DYSF: variants seen among roughly 807,000 people sequenced by gnomAD.
DYSF encodes dystrophy-associated fer-1-like 1.
In DYSF, 212 loss-of-function variants were observed where a neutral mutation model predicts 274.9. That is an observed-to-expected ratio of 0.77 (90% CI 0.69 to 0.86). DYSF has a LOEUF of 0.86. Among genes scored for constraint, DYSF ranks in the 40% least tolerant of loss-of-function variants. DYSF has a pLI of 0.00. For missense variants in DYSF, 2,666 were observed against 2,783.2 expected (o/e 0.96, Z 0.95); for synonymous variants, 1,091 against 1,078.7 (o/e 1.01, Z -0.22).
intron 41 of DYSF, among the ~76,000 whole-genome samples, chr2:71,631,584 G>A (rs527747249): frequency 8.5e-5 from 13 of 152,152 alleles, no homozygotes; most frequent in Non-Finnish European, 1.5e-4. Flanking sequence ...AATACAAATC[G>A]CCCATCAAAT....
intron 42 of DYSF, among the ~76,000 whole-genome samples, chr2:71,653,317 C>A (rs1038219840): frequency 2.0e-5 from 3 of 152,044 alleles, no homozygotes; most frequent in Non-Finnish European, 4.4e-5. Context: ...TGGGTATATA[C>A]CCAAAGGATT....
At chr2:71,538,723 A>G (rs2089631509) in intron 16 of DYSF, among the ~76,000 whole-genome samples, 2 of 152,142 alleles carry the variant, frequency 1.3e-5, no homozygotes, top group Non-Finnish European at 2.9e-5. Context: ...CTTCCTGGTC[A>G]CCTAGTTTTC....
At chr2:71,576,640 C>T (rs539800210) in intron 30 of DYSF, among the ~76,000 whole-genome samples, 9 of 152,322 alleles carry the variant, frequency 5.9e-5, no homozygotes, top group African/African-American at 1.9e-4. Context: ...GTGAGGGAGA[C>T]AGAGCTGACG....
At chr2:71,542,146 C>T (rs1015491459) in intron 17 of DYSF, among the ~76,000 whole-genome samples, 1 of 152,158 alleles carries the variant, frequency 6.6e-6, no homozygotes, top group African/African-American at 2.4e-5. Flanking sequence ...AAATGGGGCT[C>T]TTACAAGTCC....
chr2:71,598,827 C>G (rs2093470634), intron 33 of DYSF, 82 bp downstream of exon 33: 3 of 1,534,480 alleles, frequency 2.0e-6, no homozygotes, highest in Non-Finnish European at 2.7e-6. Context: ...CTCGTGGCTG[C>G]CCAGCCAGAT....
intron 30 of DYSF, among the ~76,000 whole-genome samples, chr2:71,584,461 TGTAA>T (rs772108577): frequency 3.3e-5 from 5 of 151,820 alleles, no homozygotes; most frequent in Admixed American, 6.6e-5. Flanking sequence ...CATCCTGGGG[TGTAA>T]GTGAGTCCAC....
At chr2:71,577,901 C>T (rs900706851) in intron 30 of DYSF, among the ~76,000 whole-genome samples, 3 of 152,136 alleles carry the variant, frequency 2.0e-5, no homozygotes, top group Non-Finnish European at 4.4e-5. Flanking sequence ...TCTTTGCCCA[C>T]GGGTCCCTGA....
intron 42 of DYSF, among the ~76,000 whole-genome samples, chr2:71,654,428 G>A (rs540959270): frequency 6.6e-6 from 1 of 152,262 alleles, no homozygotes; most frequent in South Asian, 2.1e-4. Flanking sequence ...ATTTAAACAA[G>A]TGCACAAAAC....
intron 52 of DYSF, among the ~76,000 whole-genome samples, chr2:71,677,522 G>GGAT (rs2095241448): frequency 6.6e-6 from 1 of 152,036 alleles, no homozygotes; most frequent in African/African-American, 2.4e-5. Flanking sequence ...AATAGCTGAA[G>GGAT]GTATCCTGGG....
chr2:71,574,735 C>T (rs978723013), intron 30 of DYSF, among the ~76,000 whole-genome samples: 2 of 152,082 alleles, frequency 1.3e-5, no homozygotes, highest in Non-Finnish European at 2.9e-5. Flanking sequence ...TCTTGTGGCC[C>T]CAGAGTGTCC....
At chr2:71,526,172 C>G in intron 12 of DYSF, 48 bp from the exon 13 acceptor site, 9 of 1,614,078 alleles carry the variant, frequency 5.6e-6, no homozygotes, top group South Asian at 1.1e-5. Context: ...AAAGTAAAAC[C>G]CTGTGCTCAG....
At chr2:71,648,303 G>C (rs1572946718) in intron 42 of DYSF, among the ~76,000 whole-genome samples, 1 of 152,138 alleles carries the variant, frequency 6.6e-6, no homozygotes, top group African/African-American at 2.4e-5. Flanking sequence ...CTATGGGCTG[G>C]CAGGACTCAG....
At chr2:71,526,459 A>T (rs932191970) in intron 13 of DYSF, 113 bp downstream of exon 13, 1 of 1,441,042 alleles carries the variant, frequency 6.9e-7, no homozygotes, top group African/African-American at 1.4e-5. Flanking sequence ...AGAGGCGTCT[A>T]GGAAAACAAT....
At chr2:71,682,998 G>A (rs1027992665) in intron 55 of DYSF, among the ~76,000 whole-genome samples, 4 of 152,328 alleles carry the variant, frequency 2.6e-5, no homozygotes, top group Admixed American at 2.6e-4. Context: ...GGGTTGCGGT[G>A]GGCAGGGGGA....
chr2:71,572,993 G>A (rs1042893916), intron 29 of DYSF, among the ~76,000 whole-genome samples: 1 of 152,270 alleles, frequency 6.6e-6, no homozygotes. Context: ...CACTTGCTCC[G>A]GGGTCACACA....
chr2:71,577,372 TACAC>T (rs780781339), intron 30 of DYSF, among the ~76,000 whole-genome samples: 32 of 150,074 alleles, frequency 2.1e-4, no homozygotes, highest in Non-Finnish European at 3.9e-4. Context: ...AACGCACACA[TACAC>T]ACTCATACAA....
In DYSF at chr2:71,611,242, C is replaced by T; in HGVS notation, c.3958-3C>T. Reference sequence around the variant, plus strand: ...TCTCCATTCTACCTGCTGTCCACTGCAGTCTGAGGACACAGACCTGCCCTA... The same window carrying T: ...TCTCCATTCTACCTGCTGTCCACTGTAGTCTGAGGACACAGACCTGCCCTA... On this transcript the variant is annotated splice_polypyrimidine_tract_variant and splice_region_variant and intron_variant, in intron 36 of 55. Coordinates refer to ENST00000410020, the MANE Select transcript of DYSF (RefSeq NM_001130987.2). 6.2e-7 allele frequency: 1 copy of T among 1,606,204 alleles called. No homozygotes were observed. The highest frequency in any genetic ancestry group is 1.1e-5 in the South Asian group (1 of 90,920).
chr2:71,559,740 C>T (rs2091597010), intron 22 of DYSF, among the ~76,000 whole-genome samples: 2 of 152,236 alleles, frequency 1.3e-5, no homozygotes, highest in South Asian at 4.1e-4. Context: ...AGGGCCACTT[C>T]CTCCAGGAAG....
rs878920751 is a variant in DYSF at position 71,669,817 on chromosome 2, G to A, written c.5784+71G>A. ...AAAGTTAGCCTGACCTGACCACCAC[G>A]TCCCTGCCTGGCAACTGTCACAATC... On this transcript the variant is annotated intron_variant, in intron 51 of 55. Coordinates refer to ENST00000410020, the MANE Select transcript of DYSF (RefSeq NM_001130987.2). 3.7e-5 allele frequency: 59 copies of A among 1,600,920 alleles called. No individual in the cohort carries two copies. In the South Asian group the frequency reaches 5.3e-4, roughly 14 times the overall value.
Sources: allele counts gnomAD v4.1 joint callset (sites outside exome capture counted in the v4.1 genomes callset), GRCh38; gene constraint gnomAD v4.1.1; transcripts MANE v1.5; gene names NCBI Gene and HGNC (gene_info 2026-07-23, HGNC 2026-07-21).